SYNE2: variants seen among roughly 807,000 people sequenced by gnomAD.
SYNE2 encodes spectrin repeat containing nuclear envelope protein 2, also known as nesprin-2.
A neutral mutation model predicts 856.3 loss-of-function variants in SYNE2; 431 were observed. The ratio of observed to expected loss-of-function variants is 0.50; its 90% CI spans 0.47 to 0.55. SYNE2 has a LOEUF of 0.55. SYNE2 is among the 20% of genes least tolerant of loss of function. The probability of loss-of-function intolerance (pLI) is 0.00; values close to 1 mark genes in which losing one functional copy is unlikely to be tolerated. For missense variants in SYNE2, 8,129 were observed against 8,023.2 expected (o/e 1.01, Z -0.50); for synonymous variants, 2,923 against 2,872.3 (o/e 1.02, Z -0.56).
rs61627778 is a variant in SYNE2, at chr14:64,036,199, TA to T, written c.7221+4856del. On this transcript the variant is annotated intron_variant, in intron 45 of 115. Coordinates refer to ENST00000555002, the MANE Select transcript of SYNE2 (RefSeq NM_182914.3). ...CTTTTTCCTCTTTTTCTTTTTTACT[TA>T]AAAAAAAAAAAAATCACCTCCCCTA... Among the ~76,000 whole-genome samples the T allele has an allele frequency of 9.4e-3, 1,344 of 143,686 alleles. 15 individuals carry two copies. Among genetic ancestry groups the T allele is most frequent in the African/African-American group, 0.024 (949 of 39,604 alleles). 94.3% of individuals were successfully genotyped at this position (143,686 alleles called of 152,430 possible).
chr14:63,937,106 G>C (rs2095843429), intron 2 of SYNE2, among the ~76,000 whole-genome samples: 1 of 152,140 alleles, frequency 6.6e-6, no homozygotes, highest in Admixed American at 6.5e-5. Context: ...GTTTTCATGA[G>C]AGTGTGTCAT....
intron 2 of SYNE2, among the ~76,000 whole-genome samples, chr14:63,940,357 T>C (rs2095894396): frequency 6.6e-6 from 1 of 152,178 alleles, no homozygotes; most frequent in Non-Finnish European, 1.5e-5. Context: ...ACCGTGGTCC[T>C]AATTCTTTTA....
chr14:64,128,798 G>T (rs2097977942), intron 74 of SYNE2, among the ~76,000 whole-genome samples: 5 of 152,246 alleles, frequency 3.3e-5, no homozygotes, highest in Admixed American at 3.3e-4. Flanking sequence ...TCCAGTGTTG[G>T]TAAGGGTATT....
intron 89 of SYNE2, among the ~76,000 whole-genome samples, chr14:64,164,137 T>A (rs1194465943): frequency 6.7e-6 from 1 of 149,862 alleles, no homozygotes; most frequent in Admixed American, 6.7e-5. Context: ...TTTTGAGATG[T>A]CTCGTTCTGT....
intron 23 of SYNE2, among the ~76,000 whole-genome samples, chr14:63,996,453 C>A (rs566809119): frequency 3.3e-5 from 5 of 152,308 alleles, no homozygotes; most frequent in Admixed American, 3.3e-4. Flanking sequence ...AGTTCCTTCA[C>A]TGCCTGGTCC....
intron 110 of SYNE2, 54 bp from the exon 111 acceptor site, chr14:64,220,383 G>T: frequency 1.9e-6 from 3 of 1,597,866 alleles, no homozygotes; most frequent in Non-Finnish European, 2.6e-6. Flanking sequence ...TTCAAAATGA[G>T]CCCCTCCTCC....
In SYNE2 at chr14:63,818,085, C is replaced by T. The variant is rs181429295; in HGVS notation, c.-304-34416C>T. Among the ~76,000 whole-genome samples the T allele has an allele frequency of 3.4e-5, 5 of 147,872 alleles. No individual in the cohort carries two copies. The Admixed American group carries it at 3.4e-4, about 10-fold the overall frequency. ...ATTAGACCAGGCCAAGTGGCTCACG[C>T]CTGTGATCCCAGCACTTTGGGAGGC... On this transcript the variant is annotated intron_variant, in intron 1 of 23. Coordinates refer to the SYNE2 transcript ENST00000674003.
chr14:63,814,060 A>AAACAAC (rs71120290), intron 1 of SYNE2, among the ~76,000 whole-genome samples: 2,929 of 149,990 alleles, frequency 0.02, 50 homozygotes, highest in African/African-American at 0.04. Flanking sequence ...TCTGTCTCAA[A>AAACAAC]AACAACAACA....
intron 1 of SYNE2, among the ~76,000 whole-genome samples, chr14:63,802,718 T>A (rs1888192608): frequency 1.3e-5 from 2 of 152,150 alleles, no homozygotes; most frequent in Non-Finnish European, 2.9e-5. Context: ...AGTCTGTCCC[T>A]TCTGATGTTC....
Position 64,129,791 on chromosome 14 carries a change from G to A in SYNE2, c.14029G>A (p.Ala4677Thr), listed in dbSNP as rs1280504919. 1 of 1,614,042 alleles carries A rather than the reference G, an allele frequency of 6.2e-7. No individual in the cohort carries two copies. The highest frequency in any genetic ancestry group is 8.5e-7 in the Non-Finnish European group (1 of 1,180,032). The change falls in exon 75 of 116, where the codon GCA becomes ACA. Residue 4677 changes from alanine to threonine, a missense_variant. By Grantham distance (58) the Ala-to-Thr change is moderately conservative. Coordinates refer to ENST00000555002, the MANE Select transcript of SYNE2 (RefSeq NM_182914.3). ...SVAEQLQKAD[A>T]YTVELENAES... ...ATTGTCTCTCACTTAGAAAGCAGAT[G>A]CATATACAGTGGAGCTGGAGAACGC...
At chr14:63,899,779 G>A (rs1007218413) in intron 1 of SYNE2, among the ~76,000 whole-genome samples, 26 of 152,254 alleles carry the variant, frequency 1.7e-4, no homozygotes, top group African/African-American at 6.0e-4. Context: ...TGGGATTACA[G>A]GCGTGAGCCA....
chr14:64,019,536 T>A (rs1458450191), intron 34 of SYNE2, among the ~76,000 whole-genome samples: 1 of 152,200 alleles, frequency 6.6e-6, no homozygotes, highest in African/African-American at 2.4e-5. Flanking sequence ...AAATGAATCA[T>A]TTCTAAGAGT....
intron 1 of SYNE2, among the ~76,000 whole-genome samples, chr14:63,831,549 C>CTTTTTTTTTTT (rs1211983068): frequency 1.4e-5 from 1 of 69,548 alleles, no homozygotes; most frequent in African/African-American, 5.5e-5. Flanking sequence ...AATGTTCATT[C>CTTTTTTTTTTT]TTTTTTTTTT....
chr14:63,822,723 G>T, intron 1 of SYNE2, among the ~76,000 whole-genome samples: 1 of 152,208 alleles, frequency 6.6e-6, no homozygotes, highest in Admixed American at 6.5e-5. Context: ...GAAGGCTAAG[G>T]CACAGGGCTG....
chr14:64,080,407 A>G (rs1567233590), intron 55 of SYNE2, 49 bp from the exon 56 acceptor site: 1 of 1,596,056 alleles, frequency 6.3e-7, no homozygotes. Context: ...CATTGCCTCC[A>G]TAAACTATGA....
chr14:63,842,198 A>G (rs1344793595), intron 1 of SYNE2, among the ~76,000 whole-genome samples: 1 of 150,618 alleles, frequency 6.6e-6, no homozygotes, highest in African/African-American at 2.4e-5. Context: ...TTTGAGACAG[A>G]GTCTCACTCT....
intron 1 of SYNE2, among the ~76,000 whole-genome samples, chr14:63,902,209 A>C (rs948157321): frequency 6.6e-6 from 1 of 151,842 alleles, no homozygotes; most frequent in African/African-American, 2.4e-5. Flanking sequence ...TCAGGAGTTC[A>C]AGACCAGCCT....
chr14:64,059,128 A>G (rs1356786280), intron 49 of SYNE2, among the ~76,000 whole-genome samples: 1 of 152,108 alleles, frequency 6.6e-6, no homozygotes, highest in Non-Finnish European at 1.5e-5. Context: ...CTCTGTCTGA[A>G]AGGTCACATA....
At chr14:63,960,452 T>TA (rs1394715596) in intron 8 of SYNE2, among the ~76,000 whole-genome samples, 2 of 152,340 alleles carry the variant, frequency 1.3e-5, no homozygotes, top group African/African-American at 4.8e-5. Flanking sequence ...TAGCATCTAC[T>TA]AGCTGAATGA....
Sources: gnomAD v4.1 joint callset for allele counts (sites outside exome capture counted in the v4.1 genomes callset) on GRCh38, gnomAD v4.1.1 for gene constraint, MANE v1.5 for transcripts, NCBI Gene and HGNC (gene_info 2026-07-23, HGNC 2026-07-21) for gene names.